KAT2B: variants seen among roughly 807,000 people sequenced by gnomAD.
KAT2B encodes the protein histone acetyltransferase KAT2B.
KAT2B carries 36 observed loss-of-function variants against 105.9 expected under a neutral mutation model. That is an observed-to-expected ratio of 0.34 (90% CI 0.26 to 0.45). The LOEUF (loss-of-function observed/expected upper bound fraction) is 0.45. Ranked by LOEUF, KAT2B falls within the 20% of genes least tolerant of loss-of-function variation. The pLI is 1.00. For synonymous variants in KAT2B, 397 were observed against 377.9 expected (o/e 1.05, Z -0.59); for missense variants, 820 against 1,021.6 (o/e 0.80, Z 2.69).
intron 10 of KAT2B, 71 bp downstream of exon 10, chr3:20,126,184 A>C: frequency 7.6e-7 from 1 of 1,309,646 alleles, no homozygotes; most frequent in Non-Finnish European, 1.1e-6. Flanking sequence ...TAGATAGTGA[A>C]AGTCAGCCAT....
chr3:20,119,571 C>T lies in KAT2B; in HGVS notation c.1151-27C>T, dbSNP rs1253028871. The T allele has an allele frequency of 2.5e-6, 4 of 1,613,202 alleles. No homozygotes were observed. In the African/African-American group the frequency reaches 4.0e-5, roughly 16 times the overall value. On this transcript the variant is annotated intron_variant, in intron 7 of 17. Coordinates refer to ENST00000263754, the MANE Select transcript of KAT2B (RefSeq NM_003884.5). The stretch of plus-strand genomic sequence containing the variant: ...CCTAAGAAAGGAGTCAGTCATCTAA[C>T]ACCTTCTTCTCCTTTTGCCGGGGCA...
intron 9 of KAT2B, among the ~76,000 whole-genome samples, chr3:20,125,311 A>AG (rs1232610280): frequency 6.6e-6 from 1 of 151,144 alleles, no homozygotes; most frequent in Non-Finnish European, 1.5e-5. Flanking sequence ...TCTCAGAAAA[A>AG]AAAAAAAAAA....
At chr3:20,060,587 G>A (rs1186421473) in intron 1 of KAT2B, among the ~76,000 whole-genome samples, 1 of 150,566 alleles carries the variant, frequency 6.6e-6, no homozygotes, top group African/African-American at 2.4e-5. Flanking sequence ...GGCAACAAGA[G>A]AGAAACTCTG....
rs547207503 is a variant in KAT2B at position 20,058,621 on chromosome 3, T to C, written c.304-13712T>C. ...CTGTATACTTTCCTCTTTTCACTTG[T>C]GTCAGATTTTTAAAGTTCCCATAGT... On this transcript the variant is annotated intron_variant, in intron 1 of 17. Coordinates refer to ENST00000263754, the MANE Select transcript of KAT2B (RefSeq NM_003884.5). Among the ~76,000 whole-genome samples the C allele has an allele frequency of 1.2e-4, 18 of 152,252 alleles. No individual in the cohort carries two copies. The South Asian group carries it at 3.5e-3, about 30-fold the overall frequency.
intron 11 of KAT2B, among the ~76,000 whole-genome samples, chr3:20,134,879 TTTAC>T (rs1699574353): frequency 6.6e-6 from 1 of 152,236 alleles, no homozygotes; most frequent in African/African-American, 2.4e-5. Flanking sequence ...TTGACTTTTT[TTTAC>T]TTAATATGTC....
At chr3:20,070,615 A>G (rs115012799) in intron 1 of KAT2B, among the ~76,000 whole-genome samples, 1,691 of 151,182 alleles carry the variant, frequency 0.011, 35 homozygotes, top group African/African-American at 0.038. Flanking sequence ...CTCTTTTCTT[A>G]TACTGTTACA....
chr3:20,130,877 ATG>A (rs913864036), intron 11 of KAT2B, among the ~76,000 whole-genome samples: 2 of 148,146 alleles, frequency 1.4e-5, no homozygotes, highest in African/African-American at 2.5e-5. Flanking sequence ...GTGTGCGTGC[ATG>A]TGTGTGTTTT....
At chr3:20,150,581 C>G (rs577629031) in intron 17 of KAT2B, among the ~76,000 whole-genome samples, 1 of 152,274 alleles carries the variant, frequency 6.6e-6, no homozygotes, top group East Asian at 1.9e-4. Flanking sequence ...TTAATGGTGT[C>G]TCTATATTTG....
intron 5 of KAT2B, among the ~76,000 whole-genome samples, chr3:20,111,294 A>G (rs1015908527): frequency 3.3e-5 from 5 of 152,198 alleles, no homozygotes; most frequent in Non-Finnish European, 7.3e-5. Context: ...TCAAATTTTC[A>G]AAGTTATGCA....
At chr3:20,088,960 A>G (rs936916978) in intron 2 of KAT2B, among the ~76,000 whole-genome samples, 2 of 152,112 alleles carry the variant, frequency 1.3e-5, no homozygotes, top group Admixed American at 6.5e-5. Flanking sequence ...TTGCATGTGG[A>G]TATCCGGTTG....
chr3:20,099,796 G>C, intron 3 of KAT2B, 66 bp from the exon 4 acceptor site: 1 of 769,714 alleles, frequency 1.3e-6, no homozygotes, highest in East Asian at 2.5e-5. Context: ...ACAGAAGAGA[G>C]AGGAGAGAGA....
At chr3:20,083,748 G>A (rs1364124668) in intron 2 of KAT2B, among the ~76,000 whole-genome samples, 1 of 152,166 alleles carries the variant, frequency 6.6e-6, no homozygotes, top group Non-Finnish European at 1.5e-5. Context: ...GAATGAGGAA[G>A]CTCAGTGGAG....
At chr3:20,101,612 C>A in intron 5 of KAT2B, 144 bp downstream of exon 5, 1 of 641,448 alleles carries the variant, frequency 1.6e-6, no homozygotes, top group Non-Finnish European at 2.7e-6. Flanking sequence ...ATTTAACTTG[C>A]AAACTCCTGC....
chr3:20,101,535 ACT>A, intron 5 of KAT2B, 67 bp downstream of exon 5: 1 of 1,273,838 alleles, frequency 7.9e-7, no homozygotes, highest in South Asian at 1.2e-5. Context: ...ATTGTACTTG[ACT>A]CTATAAGTAT....
At chr3:20,117,324 T>C (rs1036094387) in intron 7 of KAT2B, among the ~76,000 whole-genome samples, 4 of 152,216 alleles carry the variant, frequency 2.6e-5, no homozygotes, top group African/African-American at 9.7e-5. Flanking sequence ...TGTTCTACTG[T>C]AATTGCAATG....
At chr3:20,134,944 G>T (rs890699380) in intron 11 of KAT2B, among the ~76,000 whole-genome samples, 1 of 152,038 alleles carries the variant, frequency 6.6e-6, no homozygotes, top group African/African-American at 2.4e-5. Context: ...TTAGTAATGA[G>T]AATTTTTTTC....
At chr3:20,073,164 AGTTTT>A (rs1698357212) in intron 2 of KAT2B, among the ~76,000 whole-genome samples, 1 of 152,180 alleles carries the variant, frequency 6.6e-6, no homozygotes, top group Non-Finnish European at 1.5e-5. Context: ...TTGAGGAATT[AGTTTT>A]TCCTAGATAC....
intron 11 of KAT2B, among the ~76,000 whole-genome samples, chr3:20,134,033 CT>C (rs933759312): frequency 2.0e-4 from 30 of 149,338 alleles, no homozygotes; most frequent in African/African-American, 7.5e-4. Flanking sequence ...TACACCCCCC[CT>C]CACTTGTCAT....
At chr3:20,058,417 T>C (rs534587274) in intron 1 of KAT2B, among the ~76,000 whole-genome samples, 3 of 133,178 alleles carry the variant, frequency 2.3e-5, no homozygotes, top group South Asian at 4.6e-4. Context: ...ATTGCGCCAC[T>C]GCACCGTAGC....
Sources: allele counts gnomAD v4.1 joint callset (sites outside exome capture counted in the v4.1 genomes callset), GRCh38; gene constraint gnomAD v4.1.1; transcripts MANE v1.5; gene names NCBI Gene and HGNC (gene_info 2026-07-23, HGNC 2026-07-21).